The following TTC39B variants were observed in gnomAD, a reference collection of about 807,000 sequenced individuals.
TTC39B encodes the protein tetratricopeptide repeat domain 39B, also known as tetratricopeptide repeat protein 39B.
A neutral mutation model predicts 96.6 loss-of-function variants in TTC39B; 92 were observed. The observed-to-expected ratio is 0.95, with a 90% CI of 0.80 to 1.13. TTC39B has a LOEUF of 1.13. TTC39B is among the 50% of genes most tolerant of loss of function. The pLI is 0.00. For missense variants in TTC39B, 955 were observed against 809.3 expected (o/e 1.18, Z -2.18); for synonymous variants, 367 against 299.4 (o/e 1.23, Z -2.33).
chr9:15,221,923 T>C (rs1274138171), intron 3 of TTC39B, among the ~76,000 whole-genome samples: 1 of 152,220 alleles, frequency 6.6e-6, no homozygotes, highest in Non-Finnish European at 1.5e-5. Context: ...ATGTCTCTAA[T>C]AAAAATAGCT....
At chr9:15,188,203 C>G in intron 13 of TTC39B, 71 bp from the exon 14 acceptor site, 2 of 1,460,026 alleles carry the variant, frequency 1.4e-6, no homozygotes, top group Non-Finnish European at 1.8e-6. Context: ...TGGAAAAATA[C>G]ATAAAACACT....
At chr9:15,181,243 A>C (rs972972728) in intron 17 of TTC39B, among the ~76,000 whole-genome samples, 2 of 152,192 alleles carry the variant, frequency 1.3e-5, no homozygotes, top group Non-Finnish European at 2.9e-5. Flanking sequence ...ACCATTCCTG[A>C]ATTTCTATGC....
At chr9:15,203,862 G>T (rs777367366) in exon 7 of TTC39B, 5 of 1,612,676 alleles carry the variant, frequency 3.1e-6, no homozygotes, top group Non-Finnish European at 3.4e-6. Context: ...GGAGACACTC[G>T]GCATAACAGA....
At chr9:15,203,741 T>C in intron 7 of TTC39B, 82 bp downstream of exon 7, 1 of 1,110,792 alleles carries the variant, frequency 9.0e-7, no homozygotes, top group East Asian at 2.6e-5. Flanking sequence ...ACTGAAGCTT[T>C]GACATAGAAT....
rs370979624 is a variant in TTC39B at position 15,277,075 on chromosome 9, T to G, written c.241-9127A>C. On this transcript the variant is annotated intron_variant, in intron 1 of 19. Transcript: ENST00000512701. ...TGTTAACTCCCTTTGCCCTCTAGCC[T>G]TTACCCTCTAGCCTTTCACTCCCAG... is the stretch of plus-strand genomic sequence containing the variant. Among the ~76,000 whole-genome samples the G allele has an allele frequency of 9.9e-5, 15 of 152,276 alleles. No homozygotes were observed. The East Asian group carries it at 1.7e-3, about 18-fold the overall frequency.
At chr9:15,275,131 C>T (rs1262192527) in intron 1 of TTC39B, among the ~76,000 whole-genome samples, 1 of 151,918 alleles carries the variant, frequency 6.6e-6, no homozygotes, top group African/African-American at 2.4e-5. Flanking sequence ...AACCTCCGCC[C>T]CTCCAGTTCA....
chr9:15,294,685 G>T (rs543770788), intron 1 of TTC39B, among the ~76,000 whole-genome samples: 3 of 152,258 alleles, frequency 2.0e-5, no homozygotes, highest in African/African-American at 7.2e-5. Flanking sequence ...TTTCCCAGCT[G>T]GAGTCCTGGG....
chr9:15,192,546 G>A (rs1313653296), intron 9 of TTC39B, 44 bp downstream of exon 9: 2 of 1,495,340 alleles, frequency 1.3e-6, no homozygotes, highest in African/African-American at 1.4e-5. Context: ...AAAACCTTAG[G>A]TTCTTCTACA....
chr9:15,186,465 C>T (rs1039605328), intron 15 of TTC39B: 6 of 152,834 alleles, frequency 3.9e-5, no homozygotes, highest in African/African-American at 1.2e-4. Context: ...AAAGCTTTCT[C>T]CTGAAAATAA....
In TTC39B at chr9:15,262,155, G is replaced by A. The variant is rs146489304; in HGVS notation, c.275+5759C>T. On this transcript the variant is annotated intron_variant, in intron 2 of 19. Transcript: ENST00000512701. ...GCTCTGTCACCCAGGCTGGAGTGCA[G>A]TGGCACAATCTCAGCTCACTGCAAC... 7.2e-3 allele frequency among the ~76,000 whole-genome samples: 1,101 copies of A among 152,184 alleles called. 9 individuals are homozygous for A. Among genetic ancestry groups the A allele is most frequent in the Non-Finnish European group, 0.011 (751 of 68,004 alleles).
intron 2 of TTC39B, among the ~76,000 whole-genome samples, chr9:15,258,811 A>G (rs12343461): frequency 0.17 from 26,094 of 152,044 alleles, 2,690 homozygotes; most frequent in African/African-American, 0.3. Flanking sequence ...AAGATGAGAT[A>G]ATTGCACCAA....
chr9:15,255,644 G>A (rs1822724776), intron 2 of TTC39B, among the ~76,000 whole-genome samples: 1 of 152,000 alleles, frequency 6.6e-6, no homozygotes, highest in African/African-American at 2.4e-5. Flanking sequence ...AAGGCAATGA[G>A]CTCACTGTAT....
chr9:15,242,958 G>A (rs1822110706), intron 2 of TTC39B, among the ~76,000 whole-genome samples: 1 of 152,202 alleles, frequency 6.6e-6, no homozygotes, highest in African/African-American at 2.4e-5. Context: ...TCAGGAACCT[G>A]TGGGCCAACC....
Position 15,185,519 on chromosome 9 carries a change from A to C in TTC39B, c.1488-113T>G, listed in dbSNP as rs79225071. 2.1e-3 allele frequency: 3,136 copies of C among 1,494,968 alleles called. 63 individuals carry two copies. In the African/African-American group the frequency reaches 0.04, roughly 19 times the overall value. 92.6% of individuals were successfully genotyped at this position (1,494,968 alleles called of 1,614,324 possible). A position where few individuals can be genotyped will look rare whatever the true frequency, so the allele number is the denominator to read the frequency against. ...GACCACCAGCAGCAGCAGCAGCATCACCTGGGAACCTATTTGAAATGCCAA... is the reference window on the plus strand; with the variant it reads ...GACCACCAGCAGCAGCAGCAGCATCCCCTGGGAACCTATTTGAAATGCCAA... On this transcript the variant is annotated intron_variant, in intron 15 of 19. Coordinates refer to ENST00000512701, the Ensembl canonical transcript of TTC39B.
intron 2 of TTC39B, among the ~76,000 whole-genome samples, chr9:15,231,381 CT>C (rs1821412216): frequency 6.6e-6 from 1 of 152,100 alleles, no homozygotes; most frequent in African/African-American, 2.4e-5. Flanking sequence ...TTGGCCAATA[CT>C]TGTTTTTGTC....
intron 2 of TTC39B, among the ~76,000 whole-genome samples, chr9:15,255,477 G>T (rs1041613855): frequency 6.6e-6 from 1 of 151,926 alleles, no homozygotes; most frequent in African/African-American, 2.4e-5. Context: ...GAAGTTTGGC[G>T]CATTTCAAAA....
intron 16 of TTC39B, chr9:15,183,248 A>C (rs113909847): frequency 5.4e-5 from 18 of 334,490 alleles, no homozygotes; most frequent in African/African-American, 2.7e-4. Flanking sequence ...ATCTTATGGC[A>C]CCGAAAACTA....
At chr9:15,184,784 T>A (rs1161923504) in intron 16 of TTC39B, among the ~76,000 whole-genome samples, 2 of 152,224 alleles carry the variant, frequency 1.3e-5, no homozygotes, top group Non-Finnish European at 2.9e-5. Context: ...TATGAAAGAA[T>A]GTATATATCT....
intron 1 of TTC39B, among the ~76,000 whole-genome samples, chr9:15,295,834 C>G (rs191810453): frequency 6.6e-6 from 1 of 152,294 alleles, no homozygotes; most frequent in Admixed American, 6.5e-5. Context: ...TGCTGCTCTG[C>G]ACATGGAGGA....
Sources: allele counts gnomAD v4.1 joint callset (sites outside exome capture counted in the v4.1 genomes callset), GRCh38; gene constraint gnomAD v4.1.1; transcripts MANE v1.5; gene names NCBI Gene and HGNC (gene_info 2026-07-23, HGNC 2026-07-21).